FNIP2: variants seen among roughly 807,000 people sequenced by gnomAD.
FNIP2 encodes folliculin interacting protein 2.
FNIP2 carries 32 observed loss-of-function variants against 108.7 expected under a neutral mutation model. That is an observed-to-expected ratio of 0.29 (90% CI 0.22 to 0.40). The LOEUF (loss-of-function observed/expected upper bound fraction) is 0.40. FNIP2 is among the 10% of genes least tolerant of loss of function. The pLI is 1.00. For synonymous variants in FNIP2, 480 were observed against 496.7 expected (o/e 0.97, Z 0.45); for missense variants, 1,202 against 1,381.6 (o/e 0.87, Z 2.06).
At chr4:158,826,205 T>C (rs1341067164) in intron 2 of FNIP2, among the ~76,000 whole-genome samples, 163 bp downstream of exon 2, 2 of 152,206 alleles carry the variant, frequency 1.3e-5, no homozygotes, top group Non-Finnish European at 1.5e-5. Flanking sequence ...ATCAAAGCCC[T>C]ACCCCCAACA....
chr4:158,900,037 G>T (rs1729055878), intron 16 of FNIP2, among the ~76,000 whole-genome samples: 2 of 152,232 alleles, frequency 1.3e-5, no homozygotes, highest in South Asian at 4.2e-4. Context: ...AAAGATTCGG[G>T]TACACTGTGT....
intron 6 of FNIP2, chr4:158,834,327 T>TCTCTCTCTCTCC (rs1447356630): frequency 4.0e-5 from 6 of 150,216 alleles, no homozygotes; most frequent in East Asian, 1.9e-4. Flanking sequence ...TCTCTCTCTC[T>TCTCTCTCTCTCC]CTCCCTCTCT....
intron 1 of FNIP2, among the ~76,000 whole-genome samples, chr4:158,822,117 ATATT>A (rs998828027): frequency 4.0e-5 from 6 of 151,596 alleles, no homozygotes; most frequent in Admixed American, 1.3e-4. Flanking sequence ...TGTCAAAATT[ATATT>A]TATGTATTAA....
Position 158,868,225 on chromosome 4 carries a change from T to A in FNIP2, c.1589T>A (p.Leu530Gln). 6.2e-7 allele frequency: 1 copy of A among 1,614,062 alleles called. No individual in the cohort carries two copies. The highest frequency in any genetic ancestry group is 8.5e-7 in the Non-Finnish European group (1 of 1,179,900). Residue 530 changes from leucine (L) to glutamine (Q), a missense_variant, in exon 13 of 17, where the codon CTA (leucine) becomes CAA (glutamine). Around this residue, in one of 5 missense-constraint regions of FNIP2, gnomAD observed 878 missense variants for 990.3 expected, o/e 0.89. Coordinates refer to ENST00000264433, the MANE Select transcript of FNIP2 (RefSeq NM_020840.3). This position sits in a 1 kb window ranked among gnomAD's most constrained non-coding sequence, Gnocchi z 4.6. ...VLTYFLRCSELQENQLTWSGN... is the reference protein window; with the variant it reads ...VLTYFLRCSEQQENQLTWSGN... ...ACCTACTTTCTCCGTTGCTCTGAGCTACAAGAGAACCAGCTGACCTGGAGT... is the reference window on the plus strand; with the variant it reads ...ACCTACTTTCTCCGTTGCTCTGAGCAACAAGAGAACCAGCTGACCTGGAGT...
intron 1 of FNIP2, among the ~76,000 whole-genome samples, chr4:158,785,204 C>T (rs1056786463): frequency 6.6e-6 from 1 of 151,296 alleles, no homozygotes; most frequent in African/African-American, 2.4e-5. Flanking sequence ...CCTGCCTCAG[C>T]CTCCCGAGTA....
Position 158,769,113 on chromosome 4 carries a change from GCGCCGCCGCGATGGCCCCGCCACCGCGGC to G in FNIP2, c.-92_-64del, listed in dbSNP as rs1459956035. 2.0e-5 allele frequency: 7 copies of G among 348,406 alleles called. No homozygotes were observed. The highest frequency in any genetic ancestry group is 2.4e-5 in the Non-Finnish European group (6 of 250,496). The allele number at this position is 348,406 out of a possible 1,614,324, so 21.6% of individuals were successfully genotyped here. A position where few individuals can be genotyped will look rare whatever the true frequency, so the allele number is the denominator to read the frequency against. On this transcript the variant is annotated 5_prime_UTR_variant, in exon 1 of 17. The change abolishes an upstream ATG in the 5' untranslated region. Coordinates refer to ENST00000264433, the MANE Select transcript of FNIP2 (RefSeq NM_020840.3). The stretch of plus-strand genomic sequence containing the variant: ...CGCGCTCCCGCAAGGCTGGGCGGCC[GCGCCGCCGCGATGGCCCCGCCACCGCGGC>G]CGCCGCCCCCGGCTGCGCGCTGAGC...
chr4:158,891,650 A>C lies in FNIP2; in HGVS notation c.3150+4A>C. On this transcript the variant is annotated splice_donor_region_variant and intron_variant, in intron 15 of 16. Coordinates refer to ENST00000264433, the MANE Select transcript of FNIP2 (RefSeq NM_020840.3). ...GCTTCACCTCCCTGCTGATTTTGTA[A>C]GTACTGGTTCTTATATCACCAAAGA... is the stretch of plus-strand genomic sequence containing the variant. 1 of 1,608,892 alleles carries C rather than the reference A, an allele frequency of 6.2e-7. No individual in the cohort carries two copies. The highest frequency in any genetic ancestry group is 8.5e-7 in the Non-Finnish European group (1 of 1,177,294).
intron 1 of FNIP2, among the ~76,000 whole-genome samples, chr4:158,798,981 A>G (rs990949984): frequency 1.3e-5 from 2 of 152,262 alleles, no homozygotes; most frequent in Non-Finnish European, 2.9e-5. Flanking sequence ...GTAAGAGAGA[A>G]GGCTATTCAC....
intron 1 of FNIP2, among the ~76,000 whole-genome samples, chr4:158,792,359 A>C (rs60977600): frequency 0.013 from 1,999 of 149,588 alleles, 37 homozygotes; most frequent in African/African-American, 0.045. Context: ...TCCTTTTCAC[A>C]GTGAATTTAG....
At chr4:158,788,456 TG>T (rs1179742223) in intron 1 of FNIP2, among the ~76,000 whole-genome samples, 1 of 152,250 alleles carries the variant, frequency 6.6e-6, no homozygotes, top group Non-Finnish European at 1.5e-5. Flanking sequence ...TAATCTTATG[TG>T]TTTAACCTCC....
chr4:158,829,031 C>T, intron 2 of FNIP2, 48 bp from the exon 3 acceptor site: 1 of 1,461,030 alleles, frequency 6.8e-7, no homozygotes, highest in Non-Finnish European at 9.2e-7. Context: ...TGTTGACGAA[C>T]CTGATATACT....
intron 1 of FNIP2, among the ~76,000 whole-genome samples, chr4:158,799,464 A>G (rs1440006246): frequency 6.6e-6 from 1 of 152,200 alleles, no homozygotes; most frequent in Admixed American, 6.5e-5. Flanking sequence ...CAAATGTGTT[A>G]CATAAGAATT....
intron 1 of FNIP2, among the ~76,000 whole-genome samples, chr4:158,787,295 G>T (rs1228711170): frequency 6.6e-6 from 1 of 152,230 alleles, no homozygotes; most frequent in Non-Finnish European, 1.5e-5. Context: ...ATTACATGTT[G>T]TACAAACCAG....
intron 1 of FNIP2, among the ~76,000 whole-genome samples, chr4:158,825,360 A>T (rs967165097): frequency 3.9e-5 from 6 of 152,152 alleles, no homozygotes; most frequent in Admixed American, 3.3e-4. Context: ...CTCTACAGTG[A>T]TGCACTTGGT....
chr4:158,878,088 C>T (rs1781385143), intron 14 of FNIP2, among the ~76,000 whole-genome samples: 1 of 152,110 alleles, frequency 6.6e-6, no homozygotes, highest in African/African-American at 2.4e-5. Context: ...CTCACTGCTG[C>T]CCCATTGTTA....
At chr4:158,882,037 C>G (rs1019160016) in intron 14 of FNIP2, among the ~76,000 whole-genome samples, 1 of 151,698 alleles carries the variant, frequency 6.6e-6, no homozygotes, top group East Asian at 1.9e-4. Context: ...GCCCGGCCGC[C>G]CATTGTCTGA....
At chr4:158,826,285 T>G (rs1000627425) in intron 2 of FNIP2, among the ~76,000 whole-genome samples, 1 of 152,232 alleles carries the variant, frequency 6.6e-6, no homozygotes, top group Admixed American at 6.5e-5. Flanking sequence ...AGCTAAGCAG[T>G]GTACTATTAA....
At chr4:158,793,758 A>G (rs899203072) in intron 1 of FNIP2, among the ~76,000 whole-genome samples, 1 of 152,146 alleles carries the variant, frequency 6.6e-6, no homozygotes, top group African/African-American at 2.4e-5. Flanking sequence ...TTGAAGTTTC[A>G]CTGACAATTC....
At chr4:158,809,807 A>G (rs1173616161) in intron 1 of FNIP2, among the ~76,000 whole-genome samples, 2 of 152,218 alleles carry the variant, frequency 1.3e-5, no homozygotes, top group Non-Finnish European at 2.9e-5. Flanking sequence ...TGAATTCAGA[A>G]GAAATTCTCT....
Sources: allele counts gnomAD v4.1 joint callset (sites outside exome capture counted in the v4.1 genomes callset), GRCh38; gene constraint gnomAD v4.1.1; regional missense constraint gnomAD v4.1.1; non-coding constraint Gnocchi (gnomAD v3.1); transcripts MANE v1.5; gene names NCBI Gene and HGNC (gene_info 2026-07-23, HGNC 2026-07-21).